MCC: variants seen among roughly 807,000 people sequenced by gnomAD.
MCC encodes the protein MCC regulator of Wnt signaling pathway.
Under a neutral mutation model 116.2 loss-of-function variants are expected in MCC, and 90 were observed. The ratio of observed to expected loss-of-function variants is 0.77; its 90% CI spans 0.65 to 0.92. MCC has a LOEUF of 0.92. Among genes scored for constraint, MCC ranks in the 40% least tolerant of loss-of-function variants. The pLI is 0.00. For synonymous variants in MCC, 578 were observed against 510.5 expected (o/e 1.13, Z -1.78); for missense variants, 1,516 against 1,312.2 (o/e 1.16, Z -2.40).
intron 1 of MCC, among the ~76,000 whole-genome samples, 195 bp downstream of exon 1, chr5:113,488,050 C>A (rs910493770): frequency 1.3e-5 from 2 of 152,124 alleles, no homozygotes; most frequent in East Asian, 3.9e-4. Flanking sequence ...AACTGGCACC[C>A]CCGCAAGGCG....
chr5:113,398,677 T>C (rs1184443067), intron 1 of MCC, among the ~76,000 whole-genome samples: 1 of 152,180 alleles, frequency 6.6e-6, no homozygotes, highest in East Asian at 1.9e-4. Context: ...TGGGAGCTAC[T>C]ACATGGGAGA....
chr5:113,292,767 A>G (rs1415865537), intron 3 of MCC, among the ~76,000 whole-genome samples: 7 of 152,154 alleles, frequency 4.6e-5, no homozygotes, highest in Non-Finnish European at 1.5e-5. Flanking sequence ...TGCTGCATAG[A>G]AACATCGTGA....
intron 3 of MCC, among the ~76,000 whole-genome samples, chr5:113,327,557 A>ATATATAT (rs1243077934): frequency 4.9e-5 from 4 of 82,062 alleles, no homozygotes; most frequent in African/African-American, 1.6e-4. Context: ...AAAAAAAAAA[A>ATATATAT]AAAAATATAT....
At chr5:113,097,704 T>G (rs966573507) in intron 8 of MCC, among the ~76,000 whole-genome samples, 4 of 152,238 alleles carry the variant, frequency 2.6e-5, no homozygotes, top group African/African-American at 4.8e-5. Context: ...TTATTTAACC[T>G]CTGTAAGATC....
At chr5:113,447,010 A>G (rs1561577573) in intron 1 of MCC, among the ~76,000 whole-genome samples, 2 of 152,108 alleles carry the variant, frequency 1.3e-5, no homozygotes. Context: ...CCCTCCCCTC[A>G]TCTTCCTTTC....
At chr5:113,246,963 T>C (rs1439846134) in intron 3 of MCC, among the ~76,000 whole-genome samples, 2 of 152,098 alleles carry the variant, frequency 1.3e-5, no homozygotes, top group Non-Finnish European at 2.9e-5. Flanking sequence ...AGATCCGGAG[T>C]CTTGGCAAGG....
Position 113,293,304 on chromosome 5 carries a change from T to G in MCC, c.627+47215A>C, listed in dbSNP as rs180688236. 3.4e-4 allele frequency among the ~76,000 whole-genome samples: 51 copies of G among 152,160 alleles called. No homozygotes were observed. In the East Asian group the frequency reaches 9.7e-3, roughly 29 times the overall value. On this transcript the variant is annotated intron_variant, in intron 3 of 18. Transcript: ENST00000408903. ...TCCCTTCACCATTGGTAGTCTGACA[T>G]CACCATTATCTGCCTTCCGGCTGCT...
Position 113,024,565 on chromosome 5 carries a change from AC to A in MCC, c.*2736del, listed in dbSNP as rs1288501360. 1.3e-5 allele frequency: 2 copies of A among 152,226 alleles called. No homozygotes were observed. Among genetic ancestry groups the A allele is most frequent in the African/African-American group, 4.8e-5 (2 of 41,466 alleles). The allele number at this position is 152,226 out of a possible 1,614,324, so 9.4% of individuals were successfully genotyped here. On this transcript the variant is annotated 3_prime_UTR_variant, in exon 19 of 19. Transcript: ENST00000408903. ...GATGGTTACTGACTAAAAGGGGGTAACCACTGAGGAAACTAGGGAGAACAAT... is the reference window on the plus strand; with the variant it reads ...GATGGTTACTGACTAAAAGGGGGTAACACTGAGGAAACTAGGGAGAACAAT...
intron 8 of MCC, among the ~76,000 whole-genome samples, chr5:113,091,853 ACTC>A: frequency 6.6e-6 from 1 of 151,426 alleles, no homozygotes; most frequent in Non-Finnish European, 1.5e-5. Flanking sequence ...ACACCACTGG[ACTC>A]CAGCCTGGGT....
intron 3 of MCC, among the ~76,000 whole-genome samples, chr5:113,246,559 A>C (rs1031714675): frequency 1.3e-5 from 2 of 152,208 alleles, no homozygotes; most frequent in African/African-American, 4.8e-5. Context: ...TGCTGGAGGA[A>C]TGGAAAGCAG....
intron 3 of MCC, among the ~76,000 whole-genome samples, chr5:113,258,730 G>A (rs1581329735): frequency 6.6e-6 from 1 of 152,172 alleles, no homozygotes; most frequent in East Asian, 1.9e-4. Flanking sequence ...AGTTTGTGGT[G>A]GCAGTAACCA....
chr5:113,247,560 A>G (rs1267341296), intron 3 of MCC, among the ~76,000 whole-genome samples: 1 of 152,182 alleles, frequency 6.6e-6, no homozygotes, highest in Non-Finnish European at 1.5e-5. Flanking sequence ...TGGTATATAC[A>G]AGGCAGCGTC....
intron 17 of MCC, among the ~76,000 whole-genome samples, chr5:113,038,577 G>A (rs932763639): frequency 4.6e-5 from 7 of 152,154 alleles, no homozygotes; most frequent in Non-Finnish European, 7.4e-5. Flanking sequence ...ATAGCTGTAA[G>A]TCACCTGATG....
intron 2 of MCC, among the ~76,000 whole-genome samples, chr5:113,346,848 T>C (rs1768146326): frequency 6.6e-6 from 1 of 150,586 alleles, no homozygotes; most frequent in Non-Finnish European, 1.5e-5. Context: ...ACAAATAACA[T>C]ACAATGGAGT....
At chr5:113,411,489 T>C (rs900336367) in intron 1 of MCC, among the ~76,000 whole-genome samples, 29 of 152,336 alleles carry the variant, frequency 1.9e-4, no homozygotes, top group African/African-American at 6.7e-4. Flanking sequence ...GTAAGTTCTT[T>C]GTAGATTCTG....
At chr5:113,034,262 T>C (rs1233429957) in intron 17 of MCC, among the ~76,000 whole-genome samples, 1 of 152,134 alleles carries the variant, frequency 6.6e-6, no homozygotes, top group African/African-American at 2.4e-5. Context: ...CACAGGGAAT[T>C]AAGAGGCAGC....
chr5:113,299,539 G>A lies in MCC; in HGVS notation c.627+40980C>T, dbSNP rs75475685. 3.2e-3 allele frequency among the ~76,000 whole-genome samples: 481 copies of A among 152,152 alleles called. 18 individuals are homozygous for A. The East Asian group carries it at 0.083, about 26-fold the overall frequency. On this transcript the variant is annotated intron_variant, in intron 3 of 18. Transcript: ENST00000408903. ...GCAACTGGGTCAATATTATAAGAAC[G>A]TTAGAAACATATGGACCAACTCGTC...
chr5:113,152,189 C>G (rs1759920943), intron 3 of MCC, among the ~76,000 whole-genome samples: 1 of 152,210 alleles, frequency 6.6e-6, no homozygotes, highest in Non-Finnish European at 1.5e-5. Flanking sequence ...AAAAGATTAA[C>G]AGGAGGCCCC....
chr5:113,260,654 G>A (rs749887672), intron 3 of MCC, among the ~76,000 whole-genome samples: 1 of 151,830 alleles, frequency 6.6e-6, no homozygotes, highest in Non-Finnish European at 1.5e-5. Flanking sequence ...GTCTATTTGC[G>A]ACTTGAAAGG....
Sources: allele counts gnomAD v4.1 joint callset (sites outside exome capture counted in the v4.1 genomes callset), GRCh38; gene constraint gnomAD v4.1.1; transcripts MANE v1.5; gene names NCBI Gene and HGNC (gene_info 2026-07-23, HGNC 2026-07-21).